Variants in PLEKHA5 observed in about 807,000 individuals in gnomAD.
The protein encoded by PLEKHA5 is pleckstrin homology domain-containing family A member 5.
A neutral mutation model predicts 181.9 loss-of-function variants in PLEKHA5; 55 were observed. That is an observed-to-expected ratio of 0.30 (90% CI 0.24 to 0.38). The LOEUF (loss-of-function observed/expected upper bound fraction) is 0.38. Among genes scored for constraint, PLEKHA5 ranks in the 10% least tolerant of loss-of-function variants. PLEKHA5 has a pLI of 1.00. For missense variants in PLEKHA5, 1,432 were observed against 1,549.5 expected, an observed-to-expected ratio of 0.92 and a Z score of 1.27; for synonymous variants, 535 against 529.4, an observed-to-expected ratio of 1.01 and a Z score of -0.15.
intron 3 of PLEKHA5, among the ~76,000 whole-genome samples, chr12:19,241,838 A>G (rs2152456770): frequency 6.6e-6 from 1 of 152,286 alleles, no homozygotes; most frequent in African/African-American, 2.4e-5. Flanking sequence ...TCTTAGAACC[A>G]TATGCGCCTG....
intron 3 of PLEKHA5, among the ~76,000 whole-genome samples, chr12:19,234,431 T>C (rs2061098256): frequency 6.6e-6 from 1 of 152,174 alleles, no homozygotes; most frequent in Non-Finnish European, 1.5e-5. Flanking sequence ...AAACGGTGGC[T>C]GTATTAAAGG....
intron 15 of PLEKHA5, among the ~76,000 whole-genome samples, chr12:19,298,437 A>G (rs1033350357): frequency 3.1e-5 from 3 of 98,310 alleles, no homozygotes; most frequent in African/African-American, 4.3e-5. Flanking sequence ...TTTGTAACCT[A>G]TCTCAGTGCT....
chr12:19,219,757 C>T (rs1244319800), intron 3 of PLEKHA5, among the ~76,000 whole-genome samples: 1 of 151,912 alleles, frequency 6.6e-6, no homozygotes, highest in Non-Finnish European at 1.5e-5. Flanking sequence ...TGTATAGGCT[C>T]AATTTCTGGT....
At chr12:19,295,590 A>G (rs2079553663) in intron 15 of PLEKHA5, among the ~76,000 whole-genome samples, 1 of 152,188 alleles carries the variant, frequency 6.6e-6, no homozygotes, top group Admixed American at 6.5e-5. Context: ...AGGGCAGATC[A>G]AGCATAAGCT....
chr12:19,369,532 T>C (rs888592274), intron 30 of PLEKHA5, among the ~76,000 whole-genome samples, 161 bp from the exon 31 acceptor site: 19 of 53,510 alleles, frequency 3.6e-4, no homozygotes, highest in African/African-American at 7.5e-4. Context: ...AAAATTTGTT[T>C]TTAATTATTT....
At chr12:19,356,559 G>T (rs923407727) in intron 26 of PLEKHA5, among the ~76,000 whole-genome samples, 2 of 150,806 alleles carry the variant, frequency 1.3e-5, no homozygotes, top group African/African-American at 4.9e-5. Context: ...AATTATAAGG[G>T]AAAATATATT....
At chr12:19,189,538 C>T (rs1390126194) in intron 3 of PLEKHA5, among the ~76,000 whole-genome samples, 1 of 151,788 alleles carries the variant, frequency 6.6e-6, no homozygotes, top group African/African-American at 2.4e-5. Context: ...GGCAGGGGGT[C>T]AGGGAGGAGT....
At chr12:19,232,528 A>C (rs1188808342) in intron 3 of PLEKHA5, among the ~76,000 whole-genome samples, 1 of 152,134 alleles carries the variant, frequency 6.6e-6, no homozygotes, top group Non-Finnish European at 1.5e-5. Context: ...GATAACTTGA[A>C]AACTTGATAT....
chr12:19,254,117 T>G, intron 4 of PLEKHA5, 94 bp downstream of exon 4: 1 of 763,050 alleles, frequency 1.3e-6, no homozygotes, highest in South Asian at 1.6e-5. Flanking sequence ...TTTTCTTATC[T>G]GGACATTTGT....
intron 18 of PLEKHA5, 157 bp downstream of exon 18, chr12:19,320,781 C>A: frequency 2.2e-6 from 1 of 446,734 alleles, no homozygotes; most frequent in Non-Finnish European, 4.1e-6. Flanking sequence ...TTATTATTCC[C>A]TGCCCTCTAC....
In PLEKHA5 at chr12:19,129,816, A is replaced by G. The variant is rs2032797087; in HGVS notation, c.17A>G (p.Asn6Ser). 1 of 1,601,884 alleles carries G rather than the reference A, an allele frequency of 6.2e-7. No individual in the cohort carries two copies. The highest frequency in any genetic ancestry group is 8.5e-7 in the Non-Finnish European group (1 of 1,174,984). ...GGATCAGACATGGCGGCGGATCTGA[A>G]CCTGGAGTGGATCTCCCTGCCCCGG... MAADL[N>S]LEWISLPRSW... Residue 6 changes from asparagine (N) to serine (S), a missense_variant, in exon 1 of 32, where the codon AAC (asparagine) becomes AGC (serine). Physicochemically the swap from Asn to Ser is conservative, Grantham distance 46. Coordinates refer to ENST00000429027, the MANE Select transcript of PLEKHA5 (RefSeq NM_001256470.2).
intron 26 of PLEKHA5, among the ~76,000 whole-genome samples, chr12:19,355,344 C>CTTTT (rs756942658): frequency 8.5e-5 from 8 of 94,004 alleles, no homozygotes; most frequent in South Asian, 3.6e-4. Flanking sequence ...TATGGCTAGT[C>CTTTT]TTTTTTTTTT....
At chr12:19,247,297 A>T (rs1231069485) in intron 3 of PLEKHA5, among the ~76,000 whole-genome samples, 1 of 152,200 alleles carries the variant, frequency 6.6e-6, no homozygotes, top group Non-Finnish European at 1.5e-5. Flanking sequence ...AGTTTATAGG[A>T]GCTGTGTGCT....
chr12:19,325,835 C>T (rs1321490702), intron 20 of PLEKHA5, among the ~76,000 whole-genome samples: 1 of 151,256 alleles, frequency 6.6e-6, no homozygotes, highest in East Asian at 1.9e-4. Flanking sequence ...TGGAGAAACC[C>T]CACCTCTACT....
At chr12:19,193,015 T>C (rs371872799) in intron 3 of PLEKHA5, among the ~76,000 whole-genome samples, 181 of 152,338 alleles carry the variant, frequency 1.2e-3, no homozygotes, top group Middle Eastern at 3.4e-3. Context: ...TTTGACAGAC[T>C]GTTGGGTCCA....
intron 7 of PLEKHA5, among the ~76,000 whole-genome samples, chr12:19,264,223 C>T (rs1207170093): frequency 6.6e-6 from 1 of 152,024 alleles, no homozygotes; most frequent in Non-Finnish European, 1.5e-5. Context: ...GATGATAAAA[C>T]AGATACTAAG....
chr12:19,351,034 TG>T (rs1297665662), intron 25 of PLEKHA5, among the ~76,000 whole-genome samples: 1 of 147,316 alleles, frequency 6.8e-6, no homozygotes, highest in Non-Finnish European at 1.5e-5. Flanking sequence ...CATGGCTCAC[TG>T]TAGCCTCCTT....
At chr12:19,283,233 AAATAACC>A in intron 11 of PLEKHA5, 40 bp from the exon 12 acceptor site, 1 of 1,196,502 alleles carries the variant, frequency 8.4e-7, no homozygotes. Context: ...AGAATTTGGA[AAATAACC>A]CTCCTTCATG....
intron 1 of PLEKHA5, 51 bp from the exon 2 acceptor site, chr12:19,130,000 C>G (rs1298220934): frequency 2.0e-6 from 3 of 1,486,270 alleles, no homozygotes; most frequent in Non-Finnish European, 2.7e-6. Context: ...CTCGGCTCGC[C>G]CCCGCGTCCC....
Sources: allele counts gnomAD v4.1 joint callset (sites outside exome capture counted in the v4.1 genomes callset), GRCh38; gene constraint gnomAD v4.1.1; transcripts MANE v1.5; gene names NCBI Gene and HGNC (gene_info 2026-07-23, HGNC 2026-07-21).